The following EXOSC5 variants were observed in gnomAD, a reference collection of about 807,000 sequenced individuals.
EXOSC5 encodes the protein exosome component 5, also known as exosome complex component RRP46.
A neutral mutation model predicts 23.7 loss-of-function variants in EXOSC5; 15 were observed. That is an observed-to-expected ratio of 0.63 (90% confidence interval 0.42 to 0.97). EXOSC5 has a LOEUF of 0.97. Among genes scored for constraint, EXOSC5 ranks in the 50% least tolerant of loss-of-function variants. The pLI, the probability that EXOSC5 is intolerant of heterozygous loss-of-function variation, is 0.00. For missense variants in EXOSC5, 305 were observed against 316.3 expected (o/e 0.96, Z 0.27); for synonymous variants, 143 against 140.9 (o/e 1.02, Z -0.11).
intron 5 of EXOSC5, 58 bp downstream of exon 5, chr19:41,387,456 G>T: frequency 1.4e-6 from 2 of 1,386,842 alleles, no homozygotes; most frequent in Non-Finnish European, 2.0e-6. Flanking sequence ...GTTGGGACAA[G>T]ACCGTATGTC....
At chr19:41,396,024 C>G (rs1254102403) in intron 1 of EXOSC5, among the ~76,000 whole-genome samples, 1 of 152,162 alleles carries the variant, frequency 6.6e-6, no homozygotes, top group Non-Finnish European at 1.5e-5. Flanking sequence ...TACTCCTGCT[C>G]TGGCTGGAGC....
intron 2 of EXOSC5, chr19:41,392,273 G>C (rs1330255072): frequency 2.6e-6 from 1 of 378,748 alleles, no homozygotes; most frequent in Non-Finnish European, 4.7e-6. Context: ...GGATATGAGG[G>C]TAAAAGGGTG....
chr19:41,397,193 A>C lies in EXOSC5; in HGVS notation c.136T>G (p.Ser46Ala). 1 of 1,614,070 alleles carries C rather than the reference A, an allele frequency of 6.2e-7. No individual in the cohort carries two copies. Among genetic ancestry groups the C allele is most frequent in the Non-Finnish European group, 8.5e-7 (1 of 1,179,922 alleles). The part of the protein sequence containing the change: ...NLLSRPDGSA[S>A]FLQGDTSVLA... ...GTGAAGTTCTTACCTTGCAGGAAGGAAGCAGAGCCATCTGGCCGCGACAGC... is the reference window on the plus strand; with the variant it reads ...GTGAAGTTCTTACCTTGCAGGAAGGCAGCAGAGCCATCTGGCCGCGACAGC... Residue 46 changes from serine (S) to alanine (A), a missense_variant, in exon 1 of 6, where the codon TCC becomes GCC. Transcript: ENST00000221233.
chr19:41,390,078 A>C (rs1277483908), intron 3 of EXOSC5, among the ~76,000 whole-genome samples, 173 bp from the exon 4 acceptor site: 2 of 151,844 alleles, frequency 1.3e-5, no homozygotes, highest in Non-Finnish European at 2.9e-5. Flanking sequence ...GATTACAGGC[A>C]CCCACCACCA....
rs753103597 is a variant in EXOSC5, at chr19:41,392,183, A to G, written c.263-221T>C. ...ATCCACCAAGGGAACCATCCAAGGG[A>G]AGAAGACCTGGGAGTTCCATGTCTG... On this transcript the variant is annotated intron_variant, in intron 2 of 5. Transcript: ENST00000221233. 5.0e-6 allele frequency: 3 copies of G among 599,222 alleles called. No homozygotes were observed. The East Asian group carries it at 1.0e-4, about 21-fold the overall frequency. 37.1% of individuals were successfully genotyped at this position (599,222 alleles called of 1,614,324 possible). A position where few individuals can be genotyped will look rare whatever the true frequency, so the allele number is the denominator to read the frequency against.
At chr19:41,392,093 T>C (rs768600748) in intron 2 of EXOSC5, 131 bp from the exon 3 acceptor site, 4 of 1,355,156 alleles carry the variant, frequency 3.0e-6, no homozygotes, top group Non-Finnish European at 3.9e-6. Flanking sequence ...GCAGGGATGA[T>C]GGAAGATTCC....
chr19:41,397,123 C>T, intron 1 of EXOSC5, 58 bp downstream of exon 1: 1 of 1,559,078 alleles, frequency 6.4e-7, no homozygotes, highest in South Asian at 1.2e-5. Context: ...GGTGGGCACT[C>T]GGTTGCACAG....
intron 1 of EXOSC5, among the ~76,000 whole-genome samples, chr19:41,393,388 C>T (rs139936642): frequency 2.2e-3 from 342 of 152,106 alleles, no homozygotes; most frequent in African/African-American, 7.4e-3. Context: ...CCTCAGCCTC[C>T]CAAGTAGCTG....
chr19:41,396,617 CTTTTTT>C (rs60285872), intron 1 of EXOSC5, among the ~76,000 whole-genome samples: 54 of 130,128 alleles, frequency 4.1e-4, no homozygotes, highest in Non-Finnish European at 3.6e-4. Context: ...TTGCCCTAAT[CTTTTTT>C]TTTTTTTTTT....
chr19:41,393,032 C>T (rs2039035867), intron 1 of EXOSC5, 52 bp from the exon 2 acceptor site: 6 of 1,552,182 alleles, frequency 3.9e-6, no homozygotes, highest in Admixed American at 3.4e-5. Flanking sequence ...CTCCTGGGGC[C>T]CCATTTGTGG....
At chr19:41,387,010 C>T (rs2038989688) in intron 5 of EXOSC5, among the ~76,000 whole-genome samples, 1 of 152,198 alleles carries the variant, frequency 6.6e-6, no homozygotes, top group Non-Finnish European at 1.5e-5. Flanking sequence ...CCCAGCTGTG[C>T]AGAGCTATGG....
chr19:41,388,127 C>T (rs1176875064), intron 4 of EXOSC5, among the ~76,000 whole-genome samples: 1 of 152,236 alleles, frequency 6.6e-6, no homozygotes, highest in African/African-American at 2.4e-5. Context: ...TAGCCCTCTG[C>T]CTTTCCTTTG....
At position 41,395,394 on chromosome 19, in the gene EXOSC5, C is replaced by T. The variant is rs116587982; in HGVS notation, c.148+1787G>A. ...CTCTCCCCTCTCACCTTCTTGAAGACGTGGCTCCAGCAATTCTCTCCCCTG... is the reference window on the plus strand; with the variant it reads ...CTCTCCCCTCTCACCTTCTTGAAGATGTGGCTCCAGCAATTCTCTCCCCTG... On this transcript the variant is annotated intron_variant, in intron 1 of 5. Transcript: ENST00000221233. 7.0e-3 allele frequency among the ~76,000 whole-genome samples: 1,065 copies of T among 152,274 alleles called. 18 individuals carry two copies. Among genetic ancestry groups the T allele is most frequent in the African/African-American group, 0.024 (1,009 of 41,544 alleles).
At chr19:41,391,401 G>A (rs1219060542) in intron 3 of EXOSC5, 2 of 163,498 alleles carry the variant, frequency 1.2e-5, no homozygotes, top group African/African-American at 2.4e-5. Context: ...AACAAAAGAA[G>A]TGATTGGCAC....
intron 5 of EXOSC5, among the ~76,000 whole-genome samples, chr19:41,387,141 T>G (rs2038990456): frequency 6.6e-6 from 1 of 152,112 alleles, no homozygotes; most frequent in South Asian, 2.1e-4. Context: ...CATGTATTCC[T>G]AGATTCATGA....
chr19:41,392,446 T>G (rs563711597), intron 2 of EXOSC5, among the ~76,000 whole-genome samples: 2 of 151,912 alleles, frequency 1.3e-5, no homozygotes, highest in East Asian at 3.9e-4. Context: ...TTAGTGGGCA[T>G]GGTGGCACGT....
intron 1 of EXOSC5, among the ~76,000 whole-genome samples, chr19:41,393,598 C>T (rs1050668974): frequency 8.3e-5 from 12 of 144,954 alleles, no homozygotes; most frequent in African/African-American, 2.8e-4. Flanking sequence ...CTTGCTCTGT[C>T]GCCCAGGCTG....
Position 41,397,309 on chromosome 19 carries a change from G to A in EXOSC5, c.20C>T (p.Thr7Ile), listed in dbSNP as rs376304827. The A allele has an allele frequency of 6.2e-7, 1 of 1,613,862 alleles. No homozygotes were observed. The highest frequency in any genetic ancestry group is 8.5e-7 in the Non-Finnish European group (1 of 1,179,770). The stretch of plus-strand genomic sequence containing the variant: ...ATTTTCAGCACGGATTTTGGCGTCA[G>A]TATGCGTCTCCTCCTCCATCGCGCC... MEEETH[T>I]DAKIRAENGT... Residue 7 changes from threonine to isoleucine, a missense_variant, in exon 1 of 6, where the codon ACT (threonine) becomes ATT (isoleucine). Coordinates refer to ENST00000221233, the MANE Select transcript of EXOSC5 (RefSeq NM_020158.4).
intron 3 of EXOSC5, chr19:41,391,620 A>G (rs945443946): frequency 4.0e-6 from 2 of 503,554 alleles, no homozygotes; most frequent in Non-Finnish European, 6.5e-6. Context: ...CACGGGGATC[A>G]TAAGGGCATG....
Sources: allele counts gnomAD v4.1 joint callset (sites outside exome capture counted in the v4.1 genomes callset), GRCh38; gene constraint gnomAD v4.1.1; transcripts MANE v1.5; gene names NCBI Gene and HGNC (gene_info 2026-07-23, HGNC 2026-07-21).